The following TIAM2 variants were observed in gnomAD, a reference collection of about 807,000 sequenced individuals.
The protein encoded by TIAM2 is rho guanine nucleotide exchange factor TIAM2.
Under a neutral mutation model 152.9 loss-of-function variants are expected in TIAM2, and 80 were observed. The observed-to-expected ratio is 0.52, with a 90% CI of 0.44 to 0.63. The LOEUF (loss-of-function observed/expected upper bound fraction) is 0.63, where lower values mean the gene tolerates loss of function less well. Among genes scored for constraint, TIAM2 ranks in the 30% least tolerant of loss-of-function variants. The pLI is 0.00. For missense variants in TIAM2, 1,965 were observed against 2,120.1 expected (o/e 0.93, Z 1.44); for synonymous variants, 804 against 838.0 (o/e 0.96, Z 0.70).
chr6:155,102,648 A>G (rs1423949585), intron 2 of TIAM2, among the ~76,000 whole-genome samples: 2 of 152,106 alleles, frequency 1.3e-5, no homozygotes, highest in African/African-American at 2.4e-5. Flanking sequence ...CTTTGCATGC[A>G]TGTGTGCACA....
At chr6:155,202,916 G>T (rs1029744289) in intron 14 of TIAM2, among the ~76,000 whole-genome samples, 4 of 151,196 alleles carry the variant, frequency 2.6e-5, no homozygotes, top group Non-Finnish European at 5.9e-5. Context: ...AGCCGGATGT[G>T]GTGGCATGCA....
chr6:155,120,053 T>G (rs1018228904), intron 2 of TIAM2, among the ~76,000 whole-genome samples: 5 of 152,200 alleles, frequency 3.3e-5, no homozygotes, highest in African/African-American at 1.2e-4. Flanking sequence ...GTTGGGATGT[T>G]TTCTAAAACA....
chr6:155,062,049 T>C (rs998952113), intron 1 of TIAM2, among the ~76,000 whole-genome samples: 2 of 152,112 alleles, frequency 1.3e-5, no homozygotes, highest in African/African-American at 4.8e-5. Context: ...AGCCTTTTTC[T>C]GGTCTGGCTT....
chr6:155,035,705 G>GA (rs2114897899), intron 1 of TIAM2, among the ~76,000 whole-genome samples: 1 of 152,218 alleles, frequency 6.6e-6, no homozygotes, highest in East Asian at 1.9e-4. Flanking sequence ...GAGGCTTCTG[G>GA]AAAAGGCTGT....
intron 15 of TIAM2, among the ~76,000 whole-genome samples, chr6:155,237,813 C>A (rs1291233015): frequency 1.3e-5 from 2 of 152,202 alleles, no homozygotes; most frequent in African/African-American, 4.8e-5. Flanking sequence ...GGACCCTGGG[C>A]TTGGCCCAGG....
chr6:155,129,797 A>G lies in TIAM2; in HGVS notation c.574A>G (p.Ser192Gly), dbSNP rs759363025. The change falls in exon 4 of 27, where the codon AGT (serine) becomes GGT (glycine). Residue 192 changes from serine to glycine, a missense_variant. This residue lies in a region of TIAM2 where 1,025 missense variants were observed against 1,119.4 expected (regional missense o/e 0.92). Coordinates refer to ENST00000682666, the MANE Select transcript of TIAM2 (RefSeq NM_012454.4). The surrounding 1 kb of genome is among the most constrained non-coding windows in gnomAD (Gnocchi z 4.8). ...CAGCAAAGTGCCTGCAGAGGACTGC[A>G]GTGAGCCGGTGCAGCTGCTGAGGTA... ...NPSKVPAEDCSEPVQLLRYSP... is the reference protein window; with the variant it reads ...NPSKVPAEDCGEPVQLLRYSP... The G allele has an allele frequency of 4.3e-6, 7 of 1,613,732 alleles. No individual in the cohort carries two copies. Among genetic ancestry groups the G allele is most frequent in the East Asian group, 4.5e-5 (2 of 44,880 alleles).
intron 2 of TIAM2, among the ~76,000 whole-genome samples, chr6:155,105,991 T>C (rs1174543334): frequency 1.4e-5 from 2 of 147,298 alleles, no homozygotes; most frequent in East Asian, 3.9e-4. Flanking sequence ...TTATTTATTT[T>C]ATTTTATTTT....
chr6:155,230,834 TAC>T (rs1491440917), intron 15 of TIAM2, among the ~76,000 whole-genome samples: 2 of 144,762 alleles, frequency 1.4e-5, no homozygotes, highest in East Asian at 4.6e-4. Flanking sequence ...ATGGCAGAGC[TAC>T]TTTTTTTTTT....
intron 4 of TIAM2, among the ~76,000 whole-genome samples, chr6:155,132,356 G>A (rs556052068): frequency 8.9e-4 from 134 of 151,116 alleles, no homozygotes; most frequent in Non-Finnish European, 1.6e-3. Flanking sequence ...TTTGACTTTC[G>A]TTACTTCCTT....
At chr6:155,007,110 A>T (rs1778414842) in intron 1 of TIAM2, among the ~76,000 whole-genome samples, 1 of 152,166 alleles carries the variant, frequency 6.6e-6, no homozygotes, top group Non-Finnish European at 1.5e-5. Flanking sequence ...TACTTTGAGA[A>T]ACTGCCCTAA....
rs111579513 is a variant in TIAM2 at position 155,234,430 on chromosome 6, A to G, written c.3169-6100A>G. Among the ~76,000 whole-genome samples, 824 of 152,312 alleles carry G rather than the reference A, an allele frequency of 5.4e-3. 6 individuals carry two copies. Among genetic ancestry groups the G allele is most frequent in the African/African-American group, 0.019 (781 of 41,568 alleles). On this transcript the variant is annotated intron_variant, in intron 15 of 26. Transcript: ENST00000682666. ...ACCACAGGCATGTGCCACCACAGCC[A>G]GCTAATCTTTTTATCTTTTGTAAAG...
intron 4 of TIAM2, among the ~76,000 whole-genome samples, chr6:155,134,484 C>CA (rs1779514538): frequency 7.2e-6 from 1 of 139,648 alleles, no homozygotes; most frequent in Non-Finnish European, 1.5e-5. Flanking sequence ...GAAGCAGTGT[C>CA]AAGAGTGTGT....
chr6:155,217,484 T>G (rs1781888673), intron 15 of TIAM2, among the ~76,000 whole-genome samples: 1 of 152,246 alleles, frequency 6.6e-6, no homozygotes, highest in African/African-American at 2.4e-5. Flanking sequence ...AGCAATTAAT[T>G]GTATGCTTGT....
intron 2 of TIAM2, among the ~76,000 whole-genome samples, chr6:155,104,058 C>CCACA (rs1562316989): frequency 8.8e-4 from 53 of 60,274 alleles, no homozygotes; most frequent in Non-Finnish European, 1.4e-3. Flanking sequence ...CCCCACACCC[C>CCACA]CACACACCCC....
At chr6:155,066,830 A>G (rs2114946891) in intron 1 of TIAM2, among the ~76,000 whole-genome samples, 1 of 152,112 alleles carries the variant, frequency 6.6e-6, no homozygotes, top group South Asian at 2.1e-4. Context: ...ATCTTGGCTC[A>G]CTGCAACCTC....
intron 1 of TIAM2, among the ~76,000 whole-genome samples, chr6:155,047,718 AGAGAGAGC>A (rs1562300252): frequency 0.012 from 1,484 of 124,762 alleles, 73 homozygotes; most frequent in African/African-American, 0.013. Context: ...AGAGAGAGAG[AGAGAGAGC>A]GAGAGAGAGA....
chr6:155,142,560 G>A (rs1488475331), intron 5 of TIAM2, among the ~76,000 whole-genome samples: 2 of 152,184 alleles, frequency 1.3e-5, no homozygotes, highest in East Asian at 1.9e-4. Flanking sequence ...TGGTCCTCGG[G>A]CCCCGGGTCA....
intron 1 of TIAM2, among the ~76,000 whole-genome samples, chr6:155,047,668 G>A (rs1447828147): frequency 2.8e-5 from 1 of 35,328 alleles, no homozygotes; most frequent in East Asian, 9.1e-4. Context: ...AGAGAGAGAG[G>A]AGAGAGAGAG....
rs1784095271 is a variant in TIAM2, at chr6:155,257,035, C to G, written c.5020C>G (p.Leu1674Val). Residue 1674 changes from leucine to valine, a missense_variant, in exon 27 of 27, where the codon CTA becomes GTA. Around this residue, in one of 3 missense-constraint regions of TIAM2, gnomAD observed 935 missense variants for 980.0 expected, o/e 0.95. Transcript: ENST00000682666. ...ENATIDLNSV[L>V]EREFSVQSLT... is the part of the protein sequence containing the mutation. ...TGCCACCATCGACCTAAATTCTGTT[C>G]TAGAGCGAGAATTCAGTGTCCAGAG... 1 of 1,614,158 alleles carries G rather than the reference C, an allele frequency of 6.2e-7. No homozygotes were observed. The highest frequency in any genetic ancestry group is 8.5e-7 in the Non-Finnish European group (1 of 1,180,038).
Sources: gnomAD v4.1 joint callset for allele counts (sites outside exome capture counted in the v4.1 genomes callset) on GRCh38, gnomAD v4.1.1 for gene constraint, gnomAD v4.1.1 regional missense constraint, Gnocchi (gnomAD v3.1) non-coding constraint, MANE v1.5 for transcripts, NCBI Gene and HGNC (gene_info 2026-07-23, HGNC 2026-07-21) for gene names.